The following TENM2 variants were observed in gnomAD, a reference collection of about 807,000 sequenced individuals.
TENM2 encodes the protein teneurin transmembrane protein 2, also known as teneurin-2.
In TENM2, 52 loss-of-function variants were observed where a neutral mutation model predicts 245.2. That is an observed-to-expected ratio of 0.21 (90% confidence interval 0.17 to 0.27). The LOEUF (loss-of-function observed/expected upper bound fraction) is 0.27. TENM2 is among the 10% of genes least tolerant of loss of function. The pLI is 1.00. For missense variants in TENM2, 3,046 were observed against 3,666.8 expected (o/e 0.83, Z 4.37); for synonymous variants, 1,363 against 1,438.9 (o/e 0.95, Z 1.19).
Position 168,218,762 on chromosome 5 carries a change from A to T in TENM2, c.4871A>T (p.Asp1624Val). 6.2e-7 allele frequency: 1 copy of T among 1,613,998 alleles called. No individual in the cohort carries two copies. Among genetic ancestry groups the T allele is most frequent in the Non-Finnish European group, 8.5e-7 (1 of 1,179,896 alleles). Reference sequence around the variant, plus strand: ...AATTTCACATATAGTACTGACAATGATGTCACTGAATTGATTGACAATAAT... The same window carrying T: ...AATTTCACATATAGTACTGACAATGTTGTCACTGAATTGATTGACAATAAT... Residue 1624 changes from aspartate (D) to valine (V), a missense_variant, in exon 23 of 29, where the codon GAT becomes GTT. Around this residue, in one of 2 missense-constraint regions of TENM2, gnomAD observed 2,704 missense variants for 3,331.9 expected, o/e 0.81. Coordinates refer to ENST00000518659, the Ensembl canonical transcript of TENM2. The surrounding 1 kb of genome is among the most constrained non-coding windows in gnomAD (Gnocchi z 5.2).
At chr5:167,882,725 C>T (rs572831929) in intron 3 of TENM2, among the ~76,000 whole-genome samples, 55 of 152,238 alleles carry the variant, frequency 3.6e-4, no homozygotes, top group African/African-American at 1.3e-3. Flanking sequence ...ATGAGAACAG[C>T]ATGGGGGAAA....
At chr5:167,740,154 G>A (rs551764620) in intron 2 of TENM2, among the ~76,000 whole-genome samples, 2 of 152,138 alleles carry the variant, frequency 1.3e-5, no homozygotes, top group East Asian at 1.9e-4. Flanking sequence ...TTCACTTACC[G>A]CCCCTTTGCC....
At chr5:167,806,511 T>C (rs1766185147) in intron 2 of TENM2, among the ~76,000 whole-genome samples, 1 of 152,124 alleles carries the variant, frequency 6.6e-6, no homozygotes, top group Non-Finnish European at 1.5e-5. Context: ...TGTTACCTTC[T>C]CTTCCCTATT....
At chr5:167,073,925 G>A in the TENM2 span, among the ~76,000 whole-genome samples, 2 of 152,098 alleles carry the variant, frequency 1.3e-5, no homozygotes, top group Admixed American at 6.5e-5. Context: ...CATATATTTC[G>A]ACGTCATCTG....
chr5:167,293,304 C>T (rs963571948), intron 1 of TENM2, among the ~76,000 whole-genome samples: 3 of 151,718 alleles, frequency 2.0e-5, no homozygotes, highest in Admixed American at 1.3e-4. Flanking sequence ...CAGGTTCAAG[C>T]GATTCTCCTG....
At chr5:168,151,055 C>G (rs1396643006) in intron 12 of TENM2, among the ~76,000 whole-genome samples, 5 of 151,624 alleles carry the variant, frequency 3.3e-5, no homozygotes, top group Admixed American at 1.3e-4. Context: ...GACCCTGGCT[C>G]TCTCTTGCTC....
intron 1 of TENM2, among the ~76,000 whole-genome samples, chr5:167,319,774 C>G (rs960943283): frequency 6.6e-6 from 1 of 152,212 alleles, no homozygotes; most frequent in Admixed American, 6.5e-5. Context: ...AATAGAATTA[C>G]TTCAGTGTCA....
chr5:167,582,767 T>G (rs1775182175), intron 2 of TENM2, among the ~76,000 whole-genome samples: 1 of 152,206 alleles, frequency 6.6e-6, no homozygotes, highest in African/African-American at 2.4e-5. Context: ...GAGGATTTTT[T>G]TTTAAATGTT....
the TENM2 span, among the ~76,000 whole-genome samples, chr5:167,169,685 A>C: frequency 7.5e-4 from 114 of 152,344 alleles, 2 homozygotes; most frequent in African/African-American, 2.4e-3. Flanking sequence ...CATTTCCATG[A>C]AGAAAGTGTT....
intron 4 of TENM2, among the ~76,000 whole-genome samples, chr5:167,989,398 G>A (rs976328413): frequency 2.6e-5 from 4 of 152,118 alleles, no homozygotes; most frequent in Non-Finnish European, 4.4e-5. Flanking sequence ...GCTAGGATGG[G>A]TTAGGTGGGA....
chr5:168,011,230 TG>T (rs2152074658), intron 5 of TENM2, among the ~76,000 whole-genome samples: 1 of 152,348 alleles, frequency 6.6e-6, no homozygotes, highest in South Asian at 2.1e-4. Flanking sequence ...GCTGTGGGAA[TG>T]ATGTGCAGAT....
intron 1 of TENM2, among the ~76,000 whole-genome samples, chr5:167,369,574 G>A (rs938439633): frequency 6.6e-6 from 1 of 152,002 alleles, no homozygotes; most frequent in African/African-American, 2.4e-5. Context: ...TTACTTAGAC[G>A]TTGATACGGT....
the TENM2 span, among the ~76,000 whole-genome samples, chr5:167,210,480 G>A: frequency 2.3e-4 from 30 of 131,946 alleles, no homozygotes; most frequent in Middle Eastern, 4.4e-3. Context: ...TTTTTGAGAC[G>A]GAGTCTTGCT....
At chr5:168,171,686 G>A (rs574923583) in intron 13 of TENM2, among the ~76,000 whole-genome samples, 2 of 152,074 alleles carry the variant, frequency 1.3e-5, no homozygotes, top group East Asian at 3.9e-4. Context: ...TGTCTCTTAA[G>A]GGATTATGTT....
the TENM2 span, among the ~76,000 whole-genome samples, chr5:167,027,629 T>C: frequency 2.0e-5 from 3 of 152,228 alleles, no homozygotes; most frequent in African/African-American, 7.2e-5. Context: ...ATATATTTAT[T>C]GATCTTTTTC....
intron 5 of TENM2, among the ~76,000 whole-genome samples, chr5:168,018,236 AT>A (rs1264827031): frequency 6.6e-6 from 1 of 151,650 alleles, no homozygotes; most frequent in African/African-American, 2.4e-5. Context: ...ATTAAGTCTG[AT>A]TTTTTTCTCT....
At chr5:168,250,972 G>A (rs897563604) in intron 27 of TENM2, among the ~76,000 whole-genome samples, 3 of 152,212 alleles carry the variant, frequency 2.0e-5, no homozygotes, top group African/African-American at 4.8e-5. Flanking sequence ...GATCACGGAC[G>A]GCCTTTCTGA....
At chr5:167,951,598 G>A (rs996759793) in intron 3 of TENM2, among the ~76,000 whole-genome samples, 3 of 152,086 alleles carry the variant, frequency 2.0e-5, no homozygotes, top group South Asian at 2.1e-4. Context: ...TTTCCTGCAA[G>A]GATAGAGGAT....
At chr5:167,731,527 C>T (rs1582864122) in intron 2 of TENM2, among the ~76,000 whole-genome samples, 1 of 152,190 alleles carries the variant, frequency 6.6e-6, no homozygotes, top group African/African-American at 2.4e-5. Context: ...GGAAGAAAGT[C>T]ATCCTGTTGG....
Sources: allele counts gnomAD v4.1 joint callset (sites outside exome capture counted in the v4.1 genomes callset), GRCh38; gene constraint gnomAD v4.1.1; regional missense constraint gnomAD v4.1.1; non-coding constraint Gnocchi (gnomAD v3.1); transcripts MANE v1.5; gene names NCBI Gene and HGNC (gene_info 2026-07-23, HGNC 2026-07-21).